Variants in DDC observed in about 807,000 individuals in gnomAD.
The protein encoded by DDC is dopa decarboxylase.
In DDC, 43 loss-of-function variants were observed where a neutral mutation model predicts 60.0. The observed-to-expected ratio is 0.72, with a 90% CI of 0.56 to 0.92. The LOEUF (loss-of-function observed/expected upper bound fraction) is 0.92, where lower values mean the gene tolerates loss of function less well. Ranked by LOEUF, DDC falls within the 40% of genes least tolerant of loss-of-function variation. The probability of loss-of-function intolerance (pLI) is 0.00; values close to 1 mark genes in which losing one functional copy is unlikely to be tolerated. For synonymous variants in DDC, 232 were observed against 234.6 expected (o/e 0.99, Z 0.10); for missense variants, 573 against 620.2 (o/e 0.92, Z 0.81).
intron 9 of DDC, among the ~76,000 whole-genome samples, chr7:50,490,365 G>A (rs973992106): frequency 6.6e-6 from 1 of 152,180 alleles, no homozygotes; most frequent in African/African-American, 2.4e-5. Context: ...GACTGGGACT[G>A]AGGCTTTTAA....
At chr7:50,474,049 C>A (rs906844365) in intron 11 of DDC, among the ~76,000 whole-genome samples, 1 of 152,146 alleles carries the variant, frequency 6.6e-6, no homozygotes, top group African/African-American at 2.4e-5. Flanking sequence ...TGAAAGAGAC[C>A]CAGGTCTCAC....
chr7:50,549,511 A>G (rs1214634604), intron 1 of DDC, among the ~76,000 whole-genome samples: 1 of 152,070 alleles, frequency 6.6e-6, no homozygotes, highest in Non-Finnish European at 1.5e-5. Flanking sequence ...AAAATTAGCC[A>G]GGTGTGGTGG....
At chr7:50,525,740 G>T (rs907270165) in intron 6 of DDC, among the ~76,000 whole-genome samples, 2 of 151,694 alleles carry the variant, frequency 1.3e-5, no homozygotes, top group African/African-American at 4.9e-5. Flanking sequence ...CTCCAACCTG[G>T]GTGATAGAGT....
At chr7:50,478,069 T>C (rs578163800) in intron 10 of DDC, among the ~76,000 whole-genome samples, 85 of 151,764 alleles carry the variant, frequency 5.6e-4, no homozygotes, top group African/African-American at 2.0e-3. Context: ...AAAAATTATC[T>C]GGGCCTTGTG....
At chr7:50,517,677 C>T (rs1001689944) in intron 6 of DDC, among the ~76,000 whole-genome samples, 2 of 152,022 alleles carry the variant, frequency 1.3e-5, no homozygotes, top group Admixed American at 6.6e-5. Flanking sequence ...CTTGAAAATC[C>T]TAAAGACTCC....
At chr7:50,463,879 TC>T (rs1267796628) in intron 13 of DDC, among the ~76,000 whole-genome samples, 4 of 152,112 alleles carry the variant, frequency 2.6e-5, no homozygotes, top group Admixed American at 6.5e-5. Context: ...GAGAAGAATG[TC>T]CATGAACCAC....
intron 1 of DDC, among the ~76,000 whole-genome samples, chr7:50,551,889 C>T (rs1175440708): frequency 6.6e-6 from 1 of 151,978 alleles, no homozygotes; most frequent in Non-Finnish European, 1.5e-5. Flanking sequence ...TATCTATTTG[C>T]CCTCCTGGGG....
chr7:50,509,814 A>G (rs1452669023), intron 6 of DDC, among the ~76,000 whole-genome samples: 2 of 152,196 alleles, frequency 1.3e-5, no homozygotes, highest in Admixed American at 6.5e-5. Context: ...ATAAATTGGT[A>G]CAATGTTTTT....
intron 7 of DDC, among the ~76,000 whole-genome samples, chr7:50,499,679 C>T (rs1026023810): frequency 2.0e-5 from 3 of 152,166 alleles, no homozygotes; most frequent in African/African-American, 7.2e-5. Context: ...TCCACGCTGA[C>T]CTCTACCTGC....
intron 9 of DDC, among the ~76,000 whole-genome samples, chr7:50,490,472 C>T (rs949059236): frequency 2.0e-5 from 3 of 152,184 alleles, no homozygotes; most frequent in African/African-American, 4.8e-5. Flanking sequence ...AGATCGAGAT[C>T]ATCCTGGCTA....
intron 14 of DDC, among the ~76,000 whole-genome samples, chr7:50,460,607 A>G (rs1380686798): frequency 6.6e-6 from 1 of 151,616 alleles, no homozygotes; most frequent in Non-Finnish European, 1.5e-5. Flanking sequence ...TGGAACAGAA[A>G]GGGGGGAAAG....
intron 9 of DDC, among the ~76,000 whole-genome samples, chr7:50,494,589 T>C (rs2043082986): frequency 6.7e-6 from 1 of 148,210 alleles, no homozygotes. Flanking sequence ...AGACACTGTC[T>C]CGAAAAAAAA....
chr7:50,561,371 G>T (rs1023185954), intron 1 of DDC, among the ~76,000 whole-genome samples: 2 of 152,122 alleles, frequency 1.3e-5, no homozygotes, highest in Non-Finnish European at 2.9e-5. Flanking sequence ...CTTTGAGAAC[G>T]ACCAGGCTCC....
chr7:50,545,755 G>A (rs985971466), intron 1 of DDC, among the ~76,000 whole-genome samples: 4 of 152,220 alleles, frequency 2.6e-5, no homozygotes, highest in South Asian at 2.1e-4. Context: ...TTACAGGCAT[G>A]AGCCACCGCT....
chr7:50,556,191 C>T (rs926202936), intron 1 of DDC, among the ~76,000 whole-genome samples: 3 of 152,162 alleles, frequency 2.0e-5, no homozygotes, highest in African/African-American at 7.2e-5. Context: ...CTTTGGGCTA[C>T]TATAAAAAGT....
chr7:50,538,699 C>A (rs1353564016), intron 3 of DDC, among the ~76,000 whole-genome samples: 1 of 152,228 alleles, frequency 6.6e-6, no homozygotes, highest in Admixed American at 6.5e-5. Flanking sequence ...TAGTGAGGCA[C>A]TCCCTTCAAG....
chr7:50,498,946 G>A (rs2153539612), intron 8 of DDC, among the ~76,000 whole-genome samples: 1 of 151,460 alleles, frequency 6.6e-6, no homozygotes, highest in South Asian at 2.1e-4. Context: ...AACTGTAAGT[G>A]TCAGGAGTAT....
intron 4 of DDC, among the ~76,000 whole-genome samples, chr7:50,534,408 G>A (rs2044320094): frequency 6.6e-6 from 1 of 152,052 alleles, no homozygotes; most frequent in African/African-American, 2.4e-5. Flanking sequence ...ACCAGCCTGG[G>A]CAAAATGGCA....
intron 4 of DDC, among the ~76,000 whole-genome samples, chr7:50,534,225 C>A (rs566477880): frequency 7.2e-5 from 11 of 152,326 alleles, no homozygotes; most frequent in Middle Eastern, 3.4e-3. Context: ...AGAACAGCTG[C>A]CTTCAGCTAT....
Sources: allele counts gnomAD v4.1 joint callset (sites outside exome capture counted in the v4.1 genomes callset), GRCh38; gene constraint gnomAD v4.1.1; transcripts MANE v1.5; gene names NCBI Gene and HGNC (gene_info 2026-07-23, HGNC 2026-07-21).